Variants in RORA observed in about 807,000 individuals in gnomAD.
RORA encodes the protein nuclear receptor ROR-alpha.
In RORA, 7 loss-of-function variants were observed where a neutral mutation model predicts 69.5. The observed-to-expected ratio is 0.10, with a 90% CI of 0.06 to 0.19. RORA has a LOEUF of 0.19. RORA is among the 10% of genes least tolerant of loss of function. The pLI is 1.00. For synonymous variants in RORA, 261 were observed against 240.8 expected, an observed-to-expected ratio of 1.08 and a Z score of -0.78; for missense variants, 457 against 663.0, an observed-to-expected ratio of 0.69 and a Z score of 3.41.
At chr15:61,112,752 G>C (rs981126816) in intron 1 of RORA, among the ~76,000 whole-genome samples, 5 of 152,214 alleles carry the variant, frequency 3.3e-5, no homozygotes, top group African/African-American at 1.2e-4. Flanking sequence ...ATCGTTCCCA[G>C]ACAGACGAAG....
intron 1 of RORA, among the ~76,000 whole-genome samples, chr15:61,121,017 T>G (rs2079098511): frequency 6.6e-6 from 1 of 151,732 alleles, no homozygotes. Flanking sequence ...CCGGCTAATT[T>G]TTTTGTATTT....
At chr15:60,725,687 C>G (rs1438034532) in intron 1 of RORA, among the ~76,000 whole-genome samples, 5 of 152,160 alleles carry the variant, frequency 3.3e-5, no homozygotes, top group Admixed American at 1.3e-4. Context: ...TGTACCCCCT[C>G]CCATGGAAAT....
chr15:60,627,539 T>C (rs202109297), intron 2 of RORA: 29 of 1,398,918 alleles, frequency 2.1e-5, no homozygotes, highest in Admixed American at 2.9e-5. Context: ...TCTGCTGCCA[T>C]GGGCAGTGGA....
In RORA at chr15:60,739,420, A is replaced by C. The variant is rs115307175; in HGVS notation, c.167-60734T>G. On this transcript the variant is annotated intron_variant, in intron 1 of 10. Coordinates refer to ENST00000335670, the MANE Select transcript of RORA (RefSeq NM_134261.3). ...ATCCCATCTCTACAAGAAAACACAA[A>C]AATTAGCCAGGCGTGGTGGTGTACA... Among the ~76,000 whole-genome samples the C allele has an allele frequency of 2.7e-3, 412 of 152,108 alleles. 3 individuals carry two copies. Among genetic ancestry groups the C allele is most frequent in the African/African-American group, 9.6e-3 (400 of 41,486 alleles).
chr15:61,008,853 C>G (rs1224898440), intron 1 of RORA, among the ~76,000 whole-genome samples: 2 of 152,128 alleles, frequency 1.3e-5, no homozygotes, highest in South Asian at 2.1e-4. Flanking sequence ...AACAGGCATA[C>G]TGCTTTTCTT....
chr15:60,729,830 G>T (rs1450959375), intron 1 of RORA, among the ~76,000 whole-genome samples: 1 of 152,198 alleles, frequency 6.6e-6, no homozygotes, highest in East Asian at 1.9e-4. Context: ...TGTAGTCAGG[G>T]TTAGGGATGG....
chr15:60,773,699 CCAGA>C (rs1259263107), intron 1 of RORA, among the ~76,000 whole-genome samples: 5 of 151,972 alleles, frequency 3.3e-5, no homozygotes, highest in African/African-American at 1.2e-4. Flanking sequence ...GCAGAAGAGT[CCAGA>C]CAAACTCAAG....
At chr15:60,615,163 TA>T in intron 2 of RORA, 2 of 1,099,492 alleles carry the variant, frequency 1.8e-6, no homozygotes. Context: ...ATCTTAGTGC[TA>T]GTGCACTTGG....
At chr15:61,106,531 A>G (rs554213967) in intron 1 of RORA, among the ~76,000 whole-genome samples, 3 of 152,014 alleles carry the variant, frequency 2.0e-5, no homozygotes, top group South Asian at 2.1e-4. Context: ...TCCAAATCCT[A>G]CTCACCCATG....
At chr15:60,737,876 G>C (rs978749343) in intron 1 of RORA, among the ~76,000 whole-genome samples, 3 of 152,214 alleles carry the variant, frequency 2.0e-5, no homozygotes, top group African/African-American at 7.2e-5. Flanking sequence ...GCTCCTTTTT[G>C]TGACAATTCT....
chr15:60,658,024 T>C (rs1387094134), intron 2 of RORA, among the ~76,000 whole-genome samples: 1 of 151,934 alleles, frequency 6.6e-6, no homozygotes, highest in East Asian at 1.9e-4. Context: ...CACTGCCTCC[T>C]CCAAAAAAAG....
chr15:60,749,679 C>A (rs951319223), intron 1 of RORA, among the ~76,000 whole-genome samples: 2 of 152,160 alleles, frequency 1.3e-5, no homozygotes, highest in Non-Finnish European at 2.9e-5. Context: ...ACTCTGTTCC[C>A]TGATTTTAGG....
chr15:60,570,418 T>G (rs1323437997), intron 2 of RORA, among the ~76,000 whole-genome samples: 1 of 152,080 alleles, frequency 6.6e-6, no homozygotes, highest in Non-Finnish European at 1.5e-5. Context: ...CAGACTTGAC[T>G]TCCCCAGCCT....
chr15:61,106,008 A>C (rs1341992268), intron 1 of RORA, among the ~76,000 whole-genome samples: 1 of 152,206 alleles, frequency 6.6e-6, no homozygotes, highest in Non-Finnish European at 1.5e-5. Context: ...GATTCTCAAA[A>C]GTGGTATATG....
chr15:60,519,673 T>C (rs2066093307), intron 3 of RORA, among the ~76,000 whole-genome samples: 1 of 152,176 alleles, frequency 6.6e-6, no homozygotes, highest in Non-Finnish European at 1.5e-5. Context: ...CGCCCAGACA[T>C]TTTACAAAAA....
chr15:60,618,111 C>A (rs1027670724), intron 2 of RORA, among the ~76,000 whole-genome samples: 1 of 152,140 alleles, frequency 6.6e-6, no homozygotes, highest in African/African-American at 2.4e-5. Context: ...AATAGTTATC[C>A]ATATCTTTCT....
intron 1 of RORA, among the ~76,000 whole-genome samples, chr15:60,964,082 G>C (rs1893485264): frequency 1.3e-5 from 2 of 152,252 alleles, no homozygotes; most frequent in South Asian, 4.1e-4. Context: ...TAATAGACTG[G>C]GAAACCATAG....
At position 61,061,250 on chromosome 15, in the gene RORA, G is replaced by C. The variant is rs1478793984; in HGVS notation, c.166+167803C>G. Among the ~76,000 whole-genome samples the C allele has an allele frequency of 1.3e-5, 2 of 152,088 alleles. No homozygotes were observed. The highest frequency in any genetic ancestry group is 2.9e-5 in the Non-Finnish European group (2 of 68,012). On this transcript the variant is annotated intron_variant, in intron 1 of 10. Coordinates refer to ENST00000335670, the MANE Select transcript of RORA (RefSeq NM_134261.3). The surrounding 1 kb of genome is among the most constrained non-coding windows in gnomAD (Gnocchi z 4.4). ...CGCCTGTGGTCCCAGCTACTCGGGA[G>C]GCTGAGGCAGGAGAATGGCATGAGC...
rs2065278392 is a variant in RORA at position 60,499,948 on chromosome 15, G to C, written c.1351C>G (p.Leu451Val). Residue 451 changes from leucine (L) to valine (V), a missense_variant, in exon 10 of 11, where the codon CTA (leucine) becomes GTA (valine). Leu to Val is a conservative substitution (Grantham distance 32). Around this residue, in one of 3 missense-constraint regions of RORA, gnomAD observed 304 missense variants for 447.4 expected, o/e 0.68. Coordinates refer to ENST00000335670, the MANE Select transcript of RORA (RefSeq NM_134261.3). ...TTCTGTAGGACGTGTTGAAGAGCTA[G>C]CTGAATTTTCTGTTGCAGTTTTTCA... ...KIEKLQQKIQLALQHVLQKNH... is the reference protein window; with the variant it reads ...KIEKLQQKIQVALQHVLQKNH... 6.2e-7 allele frequency: 1 copy of C among 1,613,152 alleles called. No individual in the cohort carries two copies. Among genetic ancestry groups the C allele is most frequent in the Non-Finnish European group, 8.5e-7 (1 of 1,179,624 alleles).
Sources: allele counts gnomAD v4.1 joint callset (sites outside exome capture counted in the v4.1 genomes callset), GRCh38; gene constraint gnomAD v4.1.1; regional missense constraint gnomAD v4.1.1; non-coding constraint Gnocchi (gnomAD v3.1); transcripts MANE v1.5; gene names NCBI Gene and HGNC (gene_info 2026-07-23, HGNC 2026-07-21).